Variants in HS6ST3 observed in about 807,000 individuals in gnomAD.
HS6ST3 encodes the protein heparan-sulfate 6-O-sulfotransferase 3.
HS6ST3 carries 12 observed loss-of-function variants against 36.7 expected under a neutral mutation model. The ratio of observed to expected loss-of-function variants is 0.33; its 90% CI spans 0.21 to 0.53. The LOEUF is 0.53. Among genes scored for constraint, HS6ST3 ranks in the 20% least tolerant of loss-of-function variants. The pLI is 0.95. For synonymous variants in HS6ST3, 240 were observed against 257.5 expected, an observed-to-expected ratio of 0.93 and a Z score of 0.65; for missense variants, 584 against 640.9, an observed-to-expected ratio of 0.91 and a Z score of 0.96.
chr13:96,767,884 T>C (rs968802590), intron 1 of HS6ST3, among the ~76,000 whole-genome samples: 8 of 152,116 alleles, frequency 5.3e-5, no homozygotes, highest in Admixed American at 2.0e-4. Flanking sequence ...GTCAAATAGA[T>C]CCTCCTCAAT....
intron 1 of HS6ST3, among the ~76,000 whole-genome samples, chr13:96,119,275 G>A (rs1397854746): frequency 2.0e-5 from 3 of 151,996 alleles, no homozygotes; most frequent in Non-Finnish European, 4.4e-5. Flanking sequence ...ATTTAATGCA[G>A]AGTATGAAAG....
rs183911456 is a variant in HS6ST3, at chr13:96,599,695, G to C, written c.708-232795G>C. Among the ~76,000 whole-genome samples the C allele has an allele frequency of 3.3e-5, 5 of 151,834 alleles. No individual in the cohort carries two copies. In the East Asian group the frequency reaches 9.7e-4, roughly 29 times the overall value. On this transcript the variant is annotated intron_variant, in intron 1 of 1. Coordinates refer to ENST00000376705, the MANE Select transcript of HS6ST3 (RefSeq NM_153456.4). ...TTAGCTTTGGGTTTGCTTTGCACTT[G>C]TTTCTCTAGTTCCTTGAGGAGTGAT...
chr13:96,292,226 G>T, intron 1 of HS6ST3, among the ~76,000 whole-genome samples: 1 of 151,982 alleles, frequency 6.6e-6, no homozygotes, highest in East Asian at 1.9e-4. Context: ...GTGTGTGTGT[G>T]TGTGTGTGTA....
chr13:96,548,846 A>T (rs1242439145), intron 1 of HS6ST3, among the ~76,000 whole-genome samples: 4 of 152,208 alleles, frequency 2.6e-5, no homozygotes, highest in Non-Finnish European at 4.4e-5. Context: ...GAGAGAGGGC[A>T]ATCTGCCTTA....
chr13:96,725,332 C>G (rs1190980734), intron 1 of HS6ST3, among the ~76,000 whole-genome samples: 4 of 152,046 alleles, frequency 2.6e-5, no homozygotes, highest in African/African-American at 9.7e-5. Flanking sequence ...CCATTTAATT[C>G]TCTTAGCAGC....
intron 1 of HS6ST3, among the ~76,000 whole-genome samples, chr13:96,162,974 A>G (rs1055610187): frequency 1.3e-5 from 2 of 152,078 alleles, no homozygotes; most frequent in Non-Finnish European, 1.5e-5. Context: ...TAAATGATGC[A>G]CGTAAGAGGT....
At chr13:96,385,180 CA>C (rs11317656) in intron 1 of HS6ST3, among the ~76,000 whole-genome samples, 67,457 of 129,286 alleles carry the variant, frequency 0.52, 16,710 homozygotes, top group Middle Eastern at 0.65. Flanking sequence ...ACTCTGTATC[CA>C]AAAAAAAAAA....
chr13:96,287,470 G>A (rs2054809393), intron 1 of HS6ST3, among the ~76,000 whole-genome samples: 2 of 151,960 alleles, frequency 1.3e-5, no homozygotes, highest in South Asian at 4.2e-4. Flanking sequence ...TTACTATCAA[G>A]GCACGTGTGG....
intron 1 of HS6ST3, among the ~76,000 whole-genome samples, chr13:96,485,961 C>G (rs1274756851): frequency 6.6e-6 from 1 of 151,734 alleles, no homozygotes; most frequent in Non-Finnish European, 1.5e-5. Flanking sequence ...TGTGCTGCAC[C>G]CGTTAACTCG....
intron 1 of HS6ST3, among the ~76,000 whole-genome samples, chr13:96,418,783 A>T (rs1002392389): frequency 1.3e-5 from 2 of 152,202 alleles, no homozygotes; most frequent in African/African-American, 4.8e-5. Context: ...AGGTGGTAAC[A>T]GGGCCACGCT....
intron 1 of HS6ST3, among the ~76,000 whole-genome samples, chr13:96,464,947 C>CGT (rs71113997): frequency 0.045 from 6,484 of 145,376 alleles, 200 homozygotes; most frequent in African/African-American, 0.08. Flanking sequence ...CAAGATGCTT[C>CGT]GTGTGTGTGT....
In HS6ST3 at chr13:96,496,006, C is replaced by T. The variant is rs377697680; in HGVS notation, c.708-336484C>T. Among the ~76,000 whole-genome samples the T allele has an allele frequency of 5.3e-5, 8 of 152,176 alleles. No homozygotes were observed. In the East Asian group the frequency reaches 1.5e-3, roughly 29 times the overall value. On this transcript the variant is annotated intron_variant, in intron 1 of 1. Transcript: ENST00000376705. ...TCAACCCCGTGTTAATTGGGCCTTG[C>T]AAGGGCAATGGCAGAGGCCCCAGGC... is the stretch of plus-strand genomic sequence containing the variant.
intron 1 of HS6ST3, among the ~76,000 whole-genome samples, chr13:96,464,084 A>T (rs2139493756): frequency 7.5e-6 from 1 of 133,384 alleles, no homozygotes; most frequent in East Asian, 2.2e-4. Context: ...TTAAAGCTTG[A>T]AACTTAAGTT....
intron 1 of HS6ST3, among the ~76,000 whole-genome samples, chr13:96,158,330 G>C (rs755692664): frequency 6.6e-6 from 1 of 152,050 alleles, no homozygotes; most frequent in Non-Finnish European, 1.5e-5. Context: ...GGGAAGAAAA[G>C]CTAATTTGAA....
At chr13:96,564,565 A>G (rs1224621603) in intron 1 of HS6ST3, among the ~76,000 whole-genome samples, 2 of 152,208 alleles carry the variant, frequency 1.3e-5, no homozygotes, top group Admixed American at 6.5e-5. Flanking sequence ...ACATGAAAAT[A>G]TAAATAAAAA....
chr13:96,606,211 C>A (rs1240299220), intron 1 of HS6ST3, among the ~76,000 whole-genome samples: 1 of 152,148 alleles, frequency 6.6e-6, no homozygotes, highest in Non-Finnish European at 1.5e-5. Flanking sequence ...CCAGCAATCC[C>A]ATTACTGTGT....
chr13:96,195,659 C>G (rs144716855), intron 1 of HS6ST3, among the ~76,000 whole-genome samples: 2 of 152,090 alleles, frequency 1.3e-5, no homozygotes. Context: ...GCTTGGTAGC[C>G]GACACCATGC....
chr13:96,294,535 G>T (rs899848858), intron 1 of HS6ST3, among the ~76,000 whole-genome samples: 1 of 152,058 alleles, frequency 6.6e-6, no homozygotes, highest in Admixed American at 6.6e-5. Context: ...GCAAACCCAG[G>T]ATGTTCCCCA....
chr13:96,785,006 A>G (rs1205212771), intron 1 of HS6ST3, among the ~76,000 whole-genome samples: 1 of 152,130 alleles, frequency 6.6e-6, no homozygotes, highest in Non-Finnish European at 1.5e-5. Flanking sequence ...TGTCTCTACG[A>G]AAAATACAAA....
Sources: allele counts gnomAD v4.1 joint callset (sites outside exome capture counted in the v4.1 genomes callset), GRCh38; gene constraint gnomAD v4.1.1; transcripts MANE v1.5; gene names NCBI Gene and HGNC (gene_info 2026-07-23, HGNC 2026-07-21).